The following KLHDC1 variants were observed in gnomAD, a reference collection of about 807,000 sequenced individuals.
KLHDC1 encodes the protein kelch domain containing 1.
A neutral mutation model predicts 68.3 loss-of-function variants in KLHDC1; 53 were observed. That is an observed-to-expected ratio of 0.78 (90% CI 0.62 to 0.98). The LOEUF (loss-of-function observed/expected upper bound fraction) is 0.98. Ranked by LOEUF, KLHDC1 falls within the 50% of genes least tolerant of loss-of-function variation. The pLI, the probability that KLHDC1 is intolerant of heterozygous loss-of-function variation, is 0.00. For missense variants in KLHDC1, 470 were observed against 492.3 expected (o/e 0.95, Z 0.43); for synonymous variants, 148 against 159.0 (o/e 0.93, Z 0.52).
At chr14:49,745,394 A>G (rs1198449691) in intron 12 of KLHDC1, among the ~76,000 whole-genome samples, 4 of 152,208 alleles carry the variant, frequency 2.6e-5, no homozygotes, top group African/African-American at 4.8e-5. Context: ...AGTTCCTCAT[A>G]TGCAGGGATC....
intron 6 of KLHDC1, among the ~76,000 whole-genome samples, chr14:49,727,481 T>C (rs1331859079): frequency 6.6e-6 from 1 of 152,158 alleles, no homozygotes; most frequent in African/African-American, 2.4e-5. Flanking sequence ...AATACACATA[T>C]ATGACCAGAA....
chr14:49,710,235 C>A, intron 3 of KLHDC1, 28 bp from the exon 4 acceptor site: 1 of 1,166,734 alleles, frequency 8.6e-7, no homozygotes, highest in South Asian at 1.2e-5. Context: ...AATGCCCTGT[C>A]TGCTAATAGT....
intron 12 of KLHDC1, among the ~76,000 whole-genome samples, chr14:49,745,700 A>G (rs975660149): frequency 6.6e-6 from 1 of 152,232 alleles, no homozygotes; most frequent in African/African-American, 2.4e-5. Context: ...GTTAGTGTAA[A>G]GATATATACA....
chr14:49,743,315 G>A (rs569849968), intron 11 of KLHDC1, among the ~76,000 whole-genome samples: 2 of 149,904 alleles, frequency 1.3e-5, no homozygotes, highest in African/African-American at 2.5e-5. Flanking sequence ...CAAGAGAATC[G>A]CTTGAACCTG....
At chr14:49,717,436 C>A (rs563719234) in intron 4 of KLHDC1, among the ~76,000 whole-genome samples, 1 of 152,176 alleles carries the variant, frequency 6.6e-6, no homozygotes. Context: ...AATGGTATTT[C>A]ATTGTGGTTT....
At chr14:49,705,778 C>A (rs1023897980) in intron 1 of KLHDC1, among the ~76,000 whole-genome samples, 3 of 152,034 alleles carry the variant, frequency 2.0e-5, no homozygotes, top group Non-Finnish European at 4.4e-5. Flanking sequence ...GTTTACTTAG[C>A]CATTTAATAT....
chr14:49,738,474 G>A (rs1021123516), intron 10 of KLHDC1, among the ~76,000 whole-genome samples: 7 of 151,820 alleles, frequency 4.6e-5, no homozygotes, highest in African/African-American at 1.7e-4. Flanking sequence ...AGCCTTCTAA[G>A]TAGCTGGGAT....
chr14:49,730,681 G>GTTCAT (rs750176484), intron 8 of KLHDC1, among the ~76,000 whole-genome samples: 2 of 152,114 alleles, frequency 1.3e-5, no homozygotes, highest in Non-Finnish European at 2.9e-5. Flanking sequence ...TTTAAAAGAT[G>GTTCAT]TTCAACCTAG....
intron 10 of KLHDC1, among the ~76,000 whole-genome samples, chr14:49,736,732 G>T (rs907726796): frequency 7.9e-5 from 12 of 152,144 alleles, no homozygotes; most frequent in African/African-American, 2.7e-4. Flanking sequence ...TGTCATGAGG[G>T]TGTCCTGTGC....
chr14:49,697,551 T>C (rs1887779767), intron 1 of KLHDC1, among the ~76,000 whole-genome samples: 1 of 152,228 alleles, frequency 6.6e-6, no homozygotes, highest in Non-Finnish European at 1.5e-5. Flanking sequence ...ATGGACTTGC[T>C]CAATGCAGGG....
chr14:49,738,745 G>C (rs1888992264), intron 10 of KLHDC1, among the ~76,000 whole-genome samples: 2 of 152,178 alleles, frequency 1.3e-5, no homozygotes, highest in Admixed American at 1.3e-4. Context: ...AGATTCCCCA[G>C]GTTCCCATGG....
chr14:49,704,780 C>T (rs896372094), intron 1 of KLHDC1, among the ~76,000 whole-genome samples: 4 of 151,994 alleles, frequency 2.6e-5, no homozygotes, highest in African/African-American at 9.7e-5. Context: ...TGAGATGAGA[C>T]ATGTTTGTAT....
intron 4 of KLHDC1, among the ~76,000 whole-genome samples, chr14:49,723,466 A>C (rs1888587371): frequency 1.3e-5 from 2 of 152,088 alleles, no homozygotes; most frequent in Non-Finnish European, 2.9e-5. Flanking sequence ...CGGGAGGTGG[A>C]GGTTGCAGTG....
At chr14:49,721,729 C>A (rs1209369110) in intron 4 of KLHDC1, among the ~76,000 whole-genome samples, 5 of 152,146 alleles carry the variant, frequency 3.3e-5, no homozygotes, top group Non-Finnish European at 7.3e-5. Flanking sequence ...CTGTGCTTCA[C>A]AGCTGCGTTC....
At chr14:49,701,338 G>T (rs1566594474) in intron 1 of KLHDC1, among the ~76,000 whole-genome samples, 2 of 151,950 alleles carry the variant, frequency 1.3e-5, no homozygotes, top group Admixed American at 1.3e-4. Flanking sequence ...AACTATAATG[G>T]AAAAAATTGG....
In KLHDC1 at chr14:49,752,498, A is replaced by G. The variant is rs1889339481; in HGVS notation, c.*726A>G. 6.6e-6 allele frequency: 1 copy of G among 152,558 alleles called. No individual in the cohort carries two copies. Among genetic ancestry groups the G allele is most frequent in the Admixed American group, 6.5e-5 (1 of 15,272 alleles). The allele number at this position is 152,558 out of a possible 1,614,324, so 9.5% of individuals were successfully genotyped here. A position where few individuals can be genotyped will look rare whatever the true frequency, so the allele number is the denominator to read the frequency against. On this transcript the variant is annotated 3_prime_UTR_variant, in exon 13 of 13. Transcript: ENST00000359332. ...ATCATACAGGCTTTGAAACATTAAG[A>G]AGCAGTATTTTTATTAACTTTTTGA...
intron 10 of KLHDC1, 26 bp from the exon 11 acceptor site, chr14:49,740,072 A>C (rs779160996): frequency 4.5e-6 from 6 of 1,345,696 alleles, no homozygotes; most frequent in Non-Finnish European, 5.3e-6. Flanking sequence ...ACAGTGTTTC[A>C]CTCTGTTTAT....
Position 49,725,759 on chromosome 14 carries a change from C to T in KLHDC1, c.557C>T (p.Pro186Leu), listed in dbSNP as rs1024417252. Residue 186 changes from proline (P) to leucine (L), a missense_variant, in exon 6 of 13, where the codon CCA (proline) becomes CTA (leucine). By Grantham distance (98) the Pro-to-Leu change is moderately conservative (BLOSUM62 -3). Coordinates refer to ENST00000359332, the MANE Select transcript of KLHDC1 (RefSeq NM_172193.3). ...FDTKTQTWFQPEIKGGVPPQP... is the reference protein window; with the variant it reads ...FDTKTQTWFQLEIKGGVPPQP... Reference sequence around the variant, plus strand: ...ACAAAGACACAGACTTGGTTTCAACCAGAAATTAAAGTAAGTGTGGTAAAA... The same window carrying T: ...ACAAAGACACAGACTTGGTTTCAACTAGAAATTAAAGTAAGTGTGGTAAAA... 7 of 1,547,274 alleles carry T rather than the reference C, an allele frequency of 4.5e-6. No homozygotes were observed. Among genetic ancestry groups the T allele is most frequent in the Non-Finnish European group, 6.2e-6 (7 of 1,132,336 alleles).
intron 1 of KLHDC1, among the ~76,000 whole-genome samples, chr14:49,697,047 C>T (rs1887764639): frequency 6.6e-6 from 1 of 152,118 alleles, no homozygotes; most frequent in South Asian, 2.1e-4. Flanking sequence ...CACCATTCTC[C>T]TGCTTCAGCC....
Sources: gnomAD v4.1 joint callset for allele counts (sites outside exome capture counted in the v4.1 genomes callset) on GRCh38, gnomAD v4.1.1 for gene constraint, MANE v1.5 for transcripts, NCBI Gene and HGNC (gene_info 2026-07-23, HGNC 2026-07-21) for gene names.